The following TGFBR1 variants were observed in gnomAD, a reference collection of about 807,000 sequenced individuals.
TGFBR1 encodes TGF-beta receptor type-1.
TGFBR1 carries 20 observed loss-of-function variants against 55.1 expected under a neutral mutation model. That is an observed-to-expected ratio of 0.36 (90% CI 0.26 to 0.53). The LOEUF (loss-of-function observed/expected upper bound fraction) is 0.53. Among genes scored for constraint, TGFBR1 ranks in the 20% least tolerant of loss-of-function variants. TGFBR1 has a pLI of 0.91. For missense variants in TGFBR1, 385 were observed against 617.6 expected (o/e 0.62, Z 3.99); for synonymous variants, 220 against 214.8 (o/e 1.02, Z -0.21).
intron 1 of TGFBR1, among the ~76,000 whole-genome samples, chr9:99,127,383 G>T (rs768719422): frequency 6.6e-6 from 1 of 152,082 alleles, no homozygotes; most frequent in Admixed American, 6.6e-5. Flanking sequence ...TCTCCTACCC[G>T]GCCCCCCAGC....
rs1826370961 is a variant in TGFBR1, at chr9:99,105,231, G to T, written c.26G>T (p.Arg9Leu). The T allele has an allele frequency of 1.0e-5, 11 of 1,073,926 alleles. No individual in the cohort carries two copies. The highest frequency in any genetic ancestry group is 1.2e-5 in the Non-Finnish European group (11 of 890,544). The allele number at this position is 1,073,926 out of a possible 1,614,324, so 66.5% of individuals were successfully genotyped here. A position where few individuals can be genotyped will look rare whatever the true frequency, so the allele number is the denominator to read the frequency against. The change falls in exon 1 of 9, where the codon CGT (arginine) becomes CTT (leucine). Residue 9 changes from arginine to leucine, a missense_variant. This residue lies in a region of TGFBR1 where 37 missense variants were observed against 40.2 expected (regional missense o/e 0.92). Transcript: ENST00000374994. Reference sequence around the variant, plus strand: ...ATGGAGGCGGCGGTCGCTGCTCCGCGTCCCCGGCTGCTCCTCCTCGTGCTG... The same window carrying T: ...ATGGAGGCGGCGGTCGCTGCTCCGCTTCCCCGGCTGCTCCTCCTCGTGCTG... MEAAVAAP[R>L]PRLLLLVLAA...
At chr9:99,122,974 AATATT>A (rs1468855341) in intron 1 of TGFBR1, among the ~76,000 whole-genome samples, 3 of 152,160 alleles carry the variant, frequency 2.0e-5, no homozygotes, top group African/African-American at 7.2e-5. Context: ...AATTATTTCA[AATATT>A]ATATTAAATT....
rs1458580555 is a variant in TGFBR1 at position 99,149,759 on chromosome 9, TTGAA to T, written c.*457_*460del. The T allele has an allele frequency of 4.0e-6, 1 of 250,170 alleles. No homozygotes were observed. The highest frequency in any genetic ancestry group is 1.1e-4 in the South Asian group (1 of 9,330). The allele number at this position is 250,170 out of a possible 1,614,324, so 15.5% of individuals were successfully genotyped here. A position where few individuals can be genotyped will look rare whatever the true frequency, so the allele number is the denominator to read the frequency against. On this transcript the variant is annotated 3_prime_UTR_variant, in exon 9 of 9. Transcript: ENST00000374994. The stretch of plus-strand genomic sequence containing the variant: ...CACTAGAGTTTCCTTGATTCAGACT[TTGAA>T]TGTACTGTTCTATAGTTTTTCAGGA...
At chr9:99,134,804 A>T (rs7044557) in intron 3 of TGFBR1, among the ~76,000 whole-genome samples, 3,041 of 8,424 alleles carry the variant, frequency 0.36, 154 homozygotes, top group East Asian at 0.54. Flanking sequence ...TGTTTCCATT[A>T]TATATATATA....
chr9:99,140,931 C>A (rs1323589939), intron 4 of TGFBR1, among the ~76,000 whole-genome samples: 1 of 152,202 alleles, frequency 6.6e-6, no homozygotes, highest in Non-Finnish European at 1.5e-5. Flanking sequence ...AACTAGCTGA[C>A]CCTACTGGCT....
At chr9:99,123,998 T>C (rs1826966629) in intron 1 of TGFBR1, among the ~76,000 whole-genome samples, 1 of 152,196 alleles carries the variant, frequency 6.6e-6, no homozygotes, top group Non-Finnish European at 1.5e-5. Flanking sequence ...TAAAACATCG[T>C]AGTTAGCATC....
Position 99,128,829 on chromosome 9 carries a change from TTCTAAGAA to T in TGFBR1, c.98-22_98-15del. On this transcript the variant is annotated intron_variant, in intron 1 of 8. Coordinates refer to ENST00000374994, the MANE Select transcript of TGFBR1 (RefSeq NM_004612.4). ...TTCAAACTGTTAACCTTGAGATTTT[TTCTAAGAA>T]TCTTTCTCTTTTTCCAGCGTTACAG... The T allele has an allele frequency of 6.2e-7, 1 of 1,613,154 alleles. No individual in the cohort carries two copies. Among genetic ancestry groups the T allele is most frequent in the South Asian group, 1.1e-5 (1 of 91,000 alleles).
At chr9:99,135,308 C>T (rs1311296101) in intron 3 of TGFBR1, among the ~76,000 whole-genome samples, 2 of 152,140 alleles carry the variant, frequency 1.3e-5, no homozygotes, top group African/African-American at 4.8e-5. Flanking sequence ...ATCTGTTTCC[C>T]TTCTATTCAT....
chr9:99,132,020 G>C (rs1827242376), intron 2 of TGFBR1, among the ~76,000 whole-genome samples: 1 of 151,034 alleles, frequency 6.6e-6, no homozygotes, highest in Non-Finnish European at 1.5e-5. Flanking sequence ...GAGTTGTTTA[G>C]AAGTGATGAA....
chr9:99,126,387 A>G (rs998511193), intron 1 of TGFBR1, among the ~76,000 whole-genome samples: 3 of 152,216 alleles, frequency 2.0e-5, no homozygotes, highest in African/African-American at 2.4e-5. Flanking sequence ...ATTGTATTAC[A>G]GTGTTCTCCT....
At position 99,149,405 on chromosome 9, in the gene TGFBR1, G is replaced by A; in HGVS notation, c.*100G>A. 6.6e-7 allele frequency: 1 copy of A among 1,519,644 alleles called. No homozygotes were observed. The highest frequency in any genetic ancestry group is 9.1e-7 in the Non-Finnish European group (1 of 1,097,398). 94.1% of individuals were successfully genotyped at this position (1,519,644 alleles called of 1,614,324 possible). ...CTACCTCACTGAGAGGGAACAGAAG[G>A]ATATTGCTTCCTTTTGCAGCAGTGT... On this transcript the variant is annotated 3_prime_UTR_variant, in exon 9 of 9. Coordinates refer to ENST00000374994, the MANE Select transcript of TGFBR1 (RefSeq NM_004612.4).
At chr9:99,127,173 A>G (rs1385559835) in intron 1 of TGFBR1, among the ~76,000 whole-genome samples, 3 of 152,194 alleles carry the variant, frequency 2.0e-5, no homozygotes, top group Non-Finnish European at 4.4e-5. Context: ...AGTCTAGGAG[A>G]AATCAGACAC....
At chr9:99,117,941 A>G (rs1826795475) in intron 1 of TGFBR1, among the ~76,000 whole-genome samples, 1 of 152,218 alleles carries the variant, frequency 6.6e-6, no homozygotes, top group Non-Finnish European at 1.5e-5. Flanking sequence ...ACAGTATTGA[A>G]TCTTCCAGTT....
Position 99,143,261 on chromosome 9 carries a change from T to A in TGFBR1, c.973+558T>A, listed in dbSNP as rs77866569. Among the ~76,000 whole-genome samples the A allele has an allele frequency of 1.1e-3, 165 of 152,310 alleles. 1 individual carries two copies. In the East Asian group the frequency reaches 0.027, roughly 25 times the overall value. On this transcript the variant is annotated intron_variant, in intron 5 of 8. Coordinates refer to ENST00000374994, the MANE Select transcript of TGFBR1 (RefSeq NM_004612.4). ...TAAAAGTAGCATTCAATCTTATGAT[T>A]TTTGAGGATCTCAGTTTCAGAATTC... is the stretch of plus-strand genomic sequence containing the variant.
At chr9:99,135,924 A>G (rs1827425955) in intron 3 of TGFBR1, among the ~76,000 whole-genome samples, 1 of 143,044 alleles carries the variant, frequency 7.0e-6, no homozygotes, top group Non-Finnish European at 1.5e-5. Context: ...GTGGGATCTC[A>G]GCTCTCTGCA....
At chr9:99,110,700 A>G (rs749891225) in intron 1 of TGFBR1, among the ~76,000 whole-genome samples, 1 of 152,226 alleles carries the variant, frequency 6.6e-6, no homozygotes, top group African/African-American at 2.4e-5. Context: ...ATGATTTTGT[A>G]TTACCATAAA....
At chr9:99,105,016 A>C (rs1465544685), upstream of TGFBR1, 1 of 353,830 alleles carries the variant, frequency 2.8e-6, no homozygotes, top group Non-Finnish European at 4.1e-6. Flanking sequence ...CCCGCTTGGC[A>C]GCTCGCGGCG....
Position 99,142,688 on chromosome 9 carries a change from A to C in TGFBR1, c.958A>C (p.Ile320Leu), listed in dbSNP as rs760419678. ...ASGLAHLHMEIVGTQGKPAIA... is the reference protein window; with the variant it reads ...ASGLAHLHMELVGTQGKPAIA... ...CGGTCTTGCCCATCTTCACATGGAG[A>C]TTGTTGGTACCCAAGGTAATTCTAT... Residue 320 changes from isoleucine to leucine, a missense_variant, in exon 5 of 9, where the codon ATT (isoleucine) becomes CTT (leucine). Physicochemically the swap from Ile to Leu is conservative, Grantham distance 5 (BLOSUM62 2). This residue lies in a region of TGFBR1 where 85 missense variants were observed against 228.4 expected (regional missense o/e 0.37). Coordinates refer to ENST00000374994, the MANE Select transcript of TGFBR1 (RefSeq NM_004612.4). 6.2e-7 allele frequency: 1 copy of C among 1,613,994 alleles called. No homozygotes were observed.
intron 1 of TGFBR1, among the ~76,000 whole-genome samples, chr9:99,118,060 C>A (rs1189372659): frequency 6.6e-6 from 1 of 152,092 alleles, no homozygotes; most frequent in South Asian, 2.1e-4. Context: ...CTGCAGAGGT[C>A]TTTACCTGTC....
Sources: allele counts gnomAD v4.1 joint callset (sites outside exome capture counted in the v4.1 genomes callset), GRCh38; gene constraint gnomAD v4.1.1; regional missense constraint gnomAD v4.1.1; transcripts MANE v1.5; gene names NCBI Gene and HGNC (gene_info 2026-07-23, HGNC 2026-07-21).